The following EHBP1 variants were observed in gnomAD, a reference collection of about 807,000 sequenced individuals.
EHBP1 encodes the protein EH domain binding protein 1.
Under a neutral mutation model 144.0 loss-of-function variants are expected in EHBP1, and 55 were observed. The observed-to-expected ratio is 0.38, with a 90% CI of 0.31 to 0.48. The LOEUF (loss-of-function observed/expected upper bound fraction) is 0.48. Among genes scored for constraint, EHBP1 ranks in the 20% least tolerant of loss-of-function variants. The pLI is 0.98. For synonymous variants in EHBP1, 469 were observed against 472.7 expected, an observed-to-expected ratio of 0.99 and a Z score of 0.10; for missense variants, 1,200 against 1,364.2, an observed-to-expected ratio of 0.88 and a Z score of 1.90.
chr2:62,924,699 T>C (rs1247591197), intron 10 of EHBP1, among the ~76,000 whole-genome samples: 1 of 152,146 alleles, frequency 6.6e-6, no homozygotes, highest in Non-Finnish European at 1.5e-5. Flanking sequence ...AAAGATTGAA[T>C]CAGTAATATA....
chr2:62,766,384 C>A (rs75707303), intron 4 of EHBP1, among the ~76,000 whole-genome samples: 1 of 151,996 alleles, frequency 6.6e-6, no homozygotes, highest in Non-Finnish European at 1.5e-5. Context: ...ATTAGTAGAC[C>A]AAAGTGGAAT....
intron 6 of EHBP1, chr2:62,826,476 G>A: frequency 2.4e-6 from 1 of 419,286 alleles, no homozygotes; most frequent in Non-Finnish European, 4.2e-6. Context: ...ATAAACGTGA[G>A]CACAGCTGGT....
At position 62,935,343 on chromosome 2, in the gene EHBP1, A is replaced by AT. The variant is rs1393841976; in HGVS notation, c.1186-7375_1186-7374insT. On this transcript the variant is annotated intron_variant, in intron 10 of 22. Transcript: ENST00000431489. Reference sequence around the variant, plus strand: ...GACTCCATCTCAAAAAAAAAAAAAAAAATATATATATATATATATATATCC... The same window carrying AT: ...GACTCCATCTCAAAAAAAAAAAAAAATAATATATATATATATATATATATCC... Among the ~76,000 whole-genome samples, 1,146 of 137,464 alleles carry AT rather than the reference A, an allele frequency of 8.3e-3. 4 individuals carry two copies. Among genetic ancestry groups the AT allele is most frequent in the African/African-American group, 9.5e-3 (361 of 37,982 alleles). The allele number at this position is 137,464 out of a possible 152,430, so 90.2% of individuals were successfully genotyped here. A position where few individuals can be genotyped will look rare whatever the true frequency, so the allele number is the denominator to read the frequency against.
In EHBP1 at chr2:63,045,619, T is replaced by G; in HGVS notation, c.*119T>G. 2 of 778,918 alleles carry G rather than the reference T, an allele frequency of 2.6e-6. No individual in the cohort carries two copies. The highest frequency in any genetic ancestry group is 3.5e-5 in the African/African-American group (2 of 57,610). The allele number at this position is 778,918 out of a possible 1,614,324, so 48.3% of individuals were successfully genotyped here. A position where few individuals can be genotyped will look rare whatever the true frequency, so the allele number is the denominator to read the frequency against. On this transcript the variant is annotated 3_prime_UTR_variant, in exon 23 of 23. Coordinates refer to ENST00000431489, the MANE Select transcript of EHBP1 (RefSeq NM_001142616.3). This position sits in a 1 kb window ranked among gnomAD's most constrained non-coding sequence, Gnocchi z 5.7. ...ATTTTGTTTGGCTGGATTGTACTAC[T>G]TTACCTCTACTTTACCACCACCACC...
chr2:62,841,834 T>C (rs1432238056), intron 7 of EHBP1, among the ~76,000 whole-genome samples: 1 of 152,146 alleles, frequency 6.6e-6, no homozygotes, highest in Non-Finnish European at 1.5e-5. Context: ...GTCTTTCCCC[T>C]AGTACTACCA....
chr2:62,909,099 C>T (rs1323621564), intron 10 of EHBP1, among the ~76,000 whole-genome samples: 2 of 152,150 alleles, frequency 1.3e-5, no homozygotes, highest in African/African-American at 2.4e-5. Flanking sequence ...TTTAGGCGTG[C>T]AAGTACCGTT....
Position 62,754,810 on chromosome 2 carries a change from G to A in EHBP1, c.162+7358G>A, listed in dbSNP as rs186644338. On this transcript the variant is annotated intron_variant, in intron 3 of 22. Coordinates refer to ENST00000431489, the MANE Select transcript of EHBP1 (RefSeq NM_001142616.3). ...GCCAGGAGCGGGATATAATCTCCTG[G>A]TGTGCCGTTTGCTAAGATTGTTGGG... 7.0e-4 allele frequency among the ~76,000 whole-genome samples: 106 copies of A among 152,360 alleles called. 2 individuals are homozygous for A. The East Asian group carries it at 0.019, about 27-fold the overall frequency.
intron 14 of EHBP1, among the ~76,000 whole-genome samples, chr2:62,964,250 T>A (rs1431385572): frequency 6.6e-6 from 1 of 151,884 alleles, no homozygotes; most frequent in Admixed American, 6.6e-5. Context: ...GCCTCAAAAG[T>A]CTTATTTGAG....
At chr2:62,783,061 G>A (rs113773890) in intron 5 of EHBP1, among the ~76,000 whole-genome samples, 3,240 of 152,208 alleles carry the variant, frequency 0.021, 83 homozygotes, top group African/African-American at 0.065. Flanking sequence ...CAAAACAAAG[G>A]GGATACAGGC....
chr2:63,037,327 C>T (rs899944993), intron 19 of EHBP1, among the ~76,000 whole-genome samples: 1 of 151,822 alleles, frequency 6.6e-6, no homozygotes, highest in East Asian at 1.9e-4. Flanking sequence ...GGTATGTTCA[C>T]GGAGAGTAAA....
intron 5 of EHBP1, among the ~76,000 whole-genome samples, chr2:62,812,111 G>C (rs1013029954): frequency 6.6e-6 from 1 of 152,080 alleles, no homozygotes; most frequent in Non-Finnish European, 1.5e-5. Flanking sequence ...GCTCACTTTC[G>C]CTTTTCACAA....
At chr2:62,953,148 C>T (rs1010698429) in intron 13 of EHBP1, among the ~76,000 whole-genome samples, 3 of 123,602 alleles carry the variant, frequency 2.4e-5, no homozygotes, top group Non-Finnish European at 4.7e-5. Flanking sequence ...ACCCGGGAGG[C>T]GGAGGTTGCG....
chr2:62,781,328 T>C (rs1180741800), intron 5 of EHBP1, among the ~76,000 whole-genome samples: 2 of 152,226 alleles, frequency 1.3e-5, no homozygotes, highest in Non-Finnish European at 2.9e-5. Context: ...TATAATTTTT[T>C]ATTTTTTTGG....
At chr2:62,804,720 CT>C (rs1164141426) in intron 5 of EHBP1, among the ~76,000 whole-genome samples, 1 of 152,158 alleles carries the variant, frequency 6.6e-6, no homozygotes, top group Non-Finnish European at 1.5e-5. Flanking sequence ...TGGATTGGTA[CT>C]GGTCCGTGGC....
rs941144570 is a variant in EHBP1 at position 62,888,562 on chromosome 2, A to T, written c.1185+14030A>T. Among the ~76,000 whole-genome samples, 5 of 152,212 alleles carry T rather than the reference A, an allele frequency of 3.3e-5. No individual in the cohort carries two copies. In the East Asian group the frequency reaches 9.6e-4, roughly 29 times the overall value. ...TTTATGAAGACAAAAATGCCTCCAC[A>T]TGGGAAAACAACCTGAATAAAGTAA... On this transcript the variant is annotated intron_variant, in intron 10 of 22. Transcript: ENST00000431489.
At chr2:62,726,112 C>G (rs2036765229) in intron 2 of EHBP1, among the ~76,000 whole-genome samples, 1 of 152,122 alleles carries the variant, frequency 6.6e-6, no homozygotes, top group Non-Finnish European at 1.5e-5. Flanking sequence ...CCTATGGGAG[C>G]AAGTCAAGCC....
chr2:62,728,519 A>G (rs1192017548), intron 2 of EHBP1, among the ~76,000 whole-genome samples: 1 of 152,190 alleles, frequency 6.6e-6, no homozygotes, highest in African/African-American at 2.4e-5. Context: ...ATATTTTCAT[A>G]TGCTTATAGA....
chr2:63,044,783 A>C lies in EHBP1; in HGVS notation c.3278-283A>C, dbSNP rs2153383405. 3 of 250,892 alleles carry C rather than the reference A, an allele frequency of 1.2e-5. 1 individual carries two copies. In the South Asian group the frequency reaches 3.2e-4, roughly 27 times the overall value. 15.5% of individuals were successfully genotyped at this position (250,892 alleles called of 1,614,324 possible). ...AGCTCCCCTCCCCCACTTTGGCTGG[A>C]TTCAGGTGCGCACCTCAGGCTAGCC... On this transcript the variant is annotated intron_variant, in intron 21 of 22. Coordinates refer to ENST00000431489, the MANE Select transcript of EHBP1 (RefSeq NM_001142616.3).
chr2:62,887,697 C>T (rs1257474818), intron 10 of EHBP1, among the ~76,000 whole-genome samples: 2 of 152,074 alleles, frequency 1.3e-5, no homozygotes, highest in South Asian at 2.1e-4. Context: ...CACTGCACTC[C>T]GGCCTTAGAG....
Sources: allele counts gnomAD v4.1 joint callset (sites outside exome capture counted in the v4.1 genomes callset), GRCh38; gene constraint gnomAD v4.1.1; non-coding constraint Gnocchi (gnomAD v3.1); transcripts MANE v1.5; gene names NCBI Gene and HGNC (gene_info 2026-07-23, HGNC 2026-07-21).